Variants in TRIO observed in about 807,000 individuals in gnomAD.
The protein encoded by TRIO is trio Rho guanine nucleotide exchange factor, also known as triple functional domain protein.
In TRIO, 58 loss-of-function variants were observed where a neutral mutation model predicts 351.9. The observed-to-expected ratio is 0.16, with a 90% CI of 0.13 to 0.21. TRIO has a LOEUF of 0.21. Ranked by LOEUF, TRIO falls within the 10% of genes least tolerant of loss-of-function variation. The pLI is 1.00. For synonymous variants in TRIO, 1,758 were observed against 1,595.7 expected (o/e 1.10, Z -2.42); for missense variants, 3,201 against 4,027.8 (o/e 0.79, Z 5.56).
chr5:14,439,072 A>G (rs1022143759), intron 34 of TRIO, among the ~76,000 whole-genome samples: 4 of 152,126 alleles, frequency 2.6e-5, no homozygotes, highest in African/African-American at 7.2e-5. Context: ...CTAGAGTGCA[A>G]TGGCACAATC....
chr5:14,509,601 T>C lies in TRIO; in HGVS notation c.*1179T>C, dbSNP rs962784092. 5.2e-5 allele frequency: 16 copies of C among 307,284 alleles called. No individual in the cohort carries two copies. Among genetic ancestry groups the C allele is most frequent in the Non-Finnish European group, 8.9e-5 (14 of 157,948 alleles). The allele number at this position is 307,284 out of a possible 1,614,324, so 19.0% of individuals were successfully genotyped here. A position where few individuals can be genotyped will look rare whatever the true frequency, so the allele number is the denominator to read the frequency against. ...TCCCAAAATCAGTCTGGACATTTAC[T>C]ACTTTTTAGACTTTTTGACGTTGAA... On this transcript the variant is annotated 3_prime_UTR_variant, in exon 57 of 57. Coordinates refer to ENST00000344204, the MANE Select transcript of TRIO (RefSeq NM_007118.4).
intron 34 of TRIO, among the ~76,000 whole-genome samples, chr5:14,431,179 C>T (rs1000725815): frequency 3.3e-5 from 5 of 152,230 alleles, no homozygotes; most frequent in Non-Finnish European, 5.9e-5. Context: ...CCTCACGCCC[C>T]TTTCTGGGGT....
intron 30 of TRIO, among the ~76,000 whole-genome samples, chr5:14,400,369 G>A (rs1206408816): frequency 1.3e-5 from 2 of 152,092 alleles, no homozygotes; most frequent in African/African-American, 4.8e-5. Context: ...GGTGGAGAAT[G>A]CATCAGGGGG....
At chr5:14,175,068 T>A (rs1789326921) in intron 1 of TRIO, among the ~76,000 whole-genome samples, 2 of 152,204 alleles carry the variant, frequency 1.3e-5, no homozygotes, top group South Asian at 4.1e-4. Flanking sequence ...TTTTTAGATA[T>A]AATTGGTTTT....
At chr5:14,501,009 C>T (rs1035074852) in intron 53 of TRIO, among the ~76,000 whole-genome samples, 1 of 149,380 alleles carries the variant, frequency 6.7e-6, no homozygotes, top group Non-Finnish European at 1.5e-5. Context: ...GTCACAGAGT[C>T]GCCATTTATG....
chr5:14,368,270 C>G (rs1439771550), intron 16 of TRIO, among the ~76,000 whole-genome samples: 1 of 152,174 alleles, frequency 6.6e-6, no homozygotes, highest in Admixed American at 6.5e-5. Context: ...TCACTGGAGT[C>G]CAGAGTTTAA....
chr5:14,461,351 C>A (rs1753794153), intron 35 of TRIO, 40 bp downstream of exon 35: 1 of 1,467,714 alleles, frequency 6.8e-7, no homozygotes, highest in South Asian at 1.5e-5. Flanking sequence ...CGTGGCGGGG[C>A]CCGCTGGGCT....
chr5:14,210,728 T>C (rs796291924), intron 1 of TRIO, among the ~76,000 whole-genome samples: 14 of 152,348 alleles, frequency 9.2e-5, no homozygotes, highest in African/African-American at 3.4e-4. Context: ...TCAGTTATTG[T>C]AGCGGTATGT....
chr5:14,483,276 T>A (rs1232329596), intron 46 of TRIO, among the ~76,000 whole-genome samples: 1 of 151,992 alleles, frequency 6.6e-6, no homozygotes, highest in Non-Finnish European at 1.5e-5. Context: ...ACAAAGAAAA[T>A]AATTGCCAAT....
At chr5:14,361,099 T>G (rs1312039013) in intron 13 of TRIO, among the ~76,000 whole-genome samples, 1 of 152,168 alleles carries the variant, frequency 6.6e-6, no homozygotes, top group African/African-American at 2.4e-5. Context: ...AGCTGCATAT[T>G]GAATATTTTC....
intron 34 of TRIO, among the ~76,000 whole-genome samples, chr5:14,442,567 A>G (rs1277716457): frequency 6.6e-6 from 1 of 152,180 alleles, no homozygotes; most frequent in African/African-American, 2.4e-5. Context: ...TTTTGTTCAC[A>G]AAACCTTTAA....
In TRIO at chr5:14,177,623, G is replaced by A. The variant is rs185203860; in HGVS notation, c.157+33741G>A. Among the ~76,000 whole-genome samples, 33 of 152,278 alleles carry A rather than the reference G, an allele frequency of 2.2e-4. No homozygotes were observed. The East Asian group carries it at 3.5e-3, about 16-fold the overall frequency. The stretch of plus-strand genomic sequence containing the variant: ...AACAGGGTAGAGAGAGAATATTGCC[G>A]GGCTGACTGGCTTCCATCCCTCGCT... On this transcript the variant is annotated intron_variant, in intron 1 of 56. Transcript: ENST00000344204.
chr5:14,318,400 A>G, intron 9 of TRIO, among the ~76,000 whole-genome samples: 1 of 150,878 alleles, frequency 6.6e-6, no homozygotes, highest in African/African-American at 2.4e-5. Flanking sequence ...GGTTGCAGTG[A>G]ACCAAGATCA....
intron 11 of TRIO, among the ~76,000 whole-genome samples, chr5:14,338,340 G>A (rs936200587): frequency 1.3e-5 from 2 of 152,168 alleles, no homozygotes; most frequent in African/African-American, 4.8e-5. Context: ...AGCCTGTCTT[G>A]TGCTGTGTCC....
chr5:14,380,111 G>A (rs1003645470), intron 20 of TRIO, among the ~76,000 whole-genome samples: 11 of 152,066 alleles, frequency 7.2e-5, no homozygotes, highest in African/African-American at 2.7e-4. Context: ...TCTGGTCTCC[G>A]GATTCACAAA....
chr5:14,456,294 C>A (rs1341996131), intron 34 of TRIO, among the ~76,000 whole-genome samples: 1 of 152,278 alleles, frequency 6.6e-6, no homozygotes, highest in African/African-American at 2.4e-5. Flanking sequence ...AGCCCTCCAG[C>A]CTCAGCCAGC....
chr5:14,304,396 A>T, intron 7 of TRIO, 65 bp from the exon 8 acceptor site: 1 of 1,521,054 alleles, frequency 6.6e-7, no homozygotes, highest in African/African-American at 1.4e-5. Flanking sequence ...AAACCATGTT[A>T]AAAAATGTCC....
At chr5:14,381,330 A>G in intron 21 of TRIO, 78 bp downstream of exon 21, 1 of 1,489,504 alleles carries the variant, frequency 6.7e-7, no homozygotes, top group Non-Finnish European at 8.9e-7. Context: ...GAAATACCTC[A>G]TGAGATTGGA....
rs565512430 is a variant in TRIO, at chr5:14,157,612, CAG to C, written c.157+13731_157+13732del. ...CTCTCTTTCTCTCTTTCTTTCGAGA[CAG>C]GGTCTTGTTCTTGCCCAGGCTGGAG... On this transcript the variant is annotated intron_variant, in intron 1 of 56. Transcript: ENST00000344204. Among the ~76,000 whole-genome samples, 91 of 151,646 alleles carry C rather than the reference CAG, an allele frequency of 6.0e-4. 1 individual carries two copies. The South Asian group carries it at 0.01, about 17-fold the overall frequency.
Sources: gnomAD v4.1 joint callset for allele counts (sites outside exome capture counted in the v4.1 genomes callset) on GRCh38, gnomAD v4.1.1 for gene constraint, MANE v1.5 for transcripts, NCBI Gene and HGNC (gene_info 2026-07-23, HGNC 2026-07-21) for gene names.